The following TAFA1 variants were observed in gnomAD, a reference collection of about 807,000 sequenced individuals.
TAFA1 encodes chemokine-like protein TAFA-1.
TAFA1 carries 4 observed loss-of-function variants against 18.5 expected under a neutral mutation model. That is an observed-to-expected ratio of 0.22 (90% CI 0.11 to 0.49). The LOEUF (loss-of-function observed/expected upper bound fraction) is 0.49, where lower values mean the gene tolerates loss of function less well. Among genes scored for constraint, TAFA1 ranks in the 20% least tolerant of loss-of-function variants. The pLI, the probability that TAFA1 is intolerant of heterozygous loss-of-function variation, is 0.98. For missense variants in TAFA1, 147 were observed against 169.0 expected, an observed-to-expected ratio of 0.87 and a Z score of 0.72; for synonymous variants, 56 against 55.2, an observed-to-expected ratio of 1.01 and a Z score of -0.06.
intron 2 of TAFA1, among the ~76,000 whole-genome samples, chr3:68,366,464 AC>A (rs1246575479): frequency 1.3e-5 from 2 of 152,232 alleles, no homozygotes; most frequent in Non-Finnish European, 2.9e-5. Flanking sequence ...TTGTTTTCAA[AC>A]CATTACACAA....
At chr3:68,513,361 T>C (rs964091667) in intron 3 of TAFA1, among the ~76,000 whole-genome samples, 1 of 152,192 alleles carries the variant, frequency 6.6e-6, no homozygotes, top group Non-Finnish European at 1.5e-5. Context: ...TTCTGTATCA[T>C]TCAATATGGT....
intron 2 of TAFA1, among the ~76,000 whole-genome samples, chr3:68,066,677 A>G (rs1001371697): frequency 4.6e-5 from 7 of 152,214 alleles, no homozygotes; most frequent in African/African-American, 1.7e-4. Flanking sequence ...GGAGCTGACC[A>G]TGAAGACATA....
intron 2 of TAFA1, among the ~76,000 whole-genome samples, chr3:68,097,124 G>A (rs1309808177): frequency 1.3e-5 from 2 of 152,132 alleles, no homozygotes; most frequent in Middle Eastern, 6.8e-3. Context: ...TGCATTTTCC[G>A]ACCTTGTGTT....
chr3:68,074,428 C>G (rs1359019683), intron 2 of TAFA1, among the ~76,000 whole-genome samples: 1 of 152,162 alleles, frequency 6.6e-6, no homozygotes, highest in South Asian at 2.1e-4. Context: ...GTTCAAATTC[C>G]TGAGGTTGTA....
At chr3:68,262,326 T>G (rs1274559601) in intron 2 of TAFA1, among the ~76,000 whole-genome samples, 2 of 70,704 alleles carry the variant, frequency 2.8e-5, no homozygotes, top group Non-Finnish European at 5.5e-5. Context: ...TATATATATA[T>G]ATATATATAT....
chr3:68,300,128 A>G (rs968689022), intron 2 of TAFA1, among the ~76,000 whole-genome samples: 2 of 152,186 alleles, frequency 1.3e-5, no homozygotes, highest in African/African-American at 2.4e-5. Context: ...AGCTTACACC[A>G]TGCACCTGGG....
intron 3 of TAFA1, among the ~76,000 whole-genome samples, chr3:68,514,719 G>GAAAAAAAA (rs11388134): frequency 6.8e-6 from 1 of 147,388 alleles, no homozygotes; most frequent in Non-Finnish European, 1.5e-5. Context: ...ACCCAGCAAT[G>GAAAAAAAA]AAAAAAAAAA....
At chr3:68,030,818 A>G (rs1349765503) in intron 2 of TAFA1, among the ~76,000 whole-genome samples, 2 of 152,132 alleles carry the variant, frequency 1.3e-5, no homozygotes, top group East Asian at 1.9e-4. Context: ...TCTCTCATAC[A>G]GTATATTTTG....
At chr3:68,393,186 C>G (rs778256733) in intron 2 of TAFA1, among the ~76,000 whole-genome samples, 1 of 151,974 alleles carries the variant, frequency 6.6e-6, no homozygotes, top group Non-Finnish European at 1.5e-5. Context: ...CACCACCGAT[C>G]CCACAGAAAT....
At chr3:68,438,688 C>A (rs998787407) in intron 3 of TAFA1, among the ~76,000 whole-genome samples, 2 of 152,124 alleles carry the variant, frequency 1.3e-5, no homozygotes, top group African/African-American at 4.8e-5. Context: ...TCTGCCTTGC[C>A]CTCAGGTTGT....
At chr3:68,407,823 A>G (rs1336740837) in intron 2 of TAFA1, among the ~76,000 whole-genome samples, 2 of 152,080 alleles carry the variant, frequency 1.3e-5, no homozygotes, top group African/African-American at 4.8e-5. Flanking sequence ...TTTCCTTTAC[A>G]TACCCGAGGA....
At chr3:68,168,865 A>G (rs1030784486) in intron 2 of TAFA1, among the ~76,000 whole-genome samples, 6 of 152,188 alleles carry the variant, frequency 3.9e-5, no homozygotes, top group Non-Finnish European at 8.8e-5. Flanking sequence ...TGGAAGCTGG[A>G]TGCAATTTCT....
rs935786322 is a variant in TAFA1, at chr3:68,434,508, T to G, written c.259+17088T>G. The stretch of plus-strand genomic sequence containing the variant: ...TGAAGAGCTTTTGCCCCCTTCTTTG[T>G]GTTCATGTGCTGTGAATTTTTTTCT... On this transcript the variant is annotated intron_variant, in intron 3 of 4. Coordinates refer to ENST00000478136, the MANE Select transcript of TAFA1 (RefSeq NM_213609.4). Among the ~76,000 whole-genome samples the G allele has an allele frequency of 2.6e-5, 4 of 152,208 alleles. No individual in the cohort carries two copies. In the South Asian group the frequency reaches 6.2e-4, roughly 24 times the overall value.
chr3:68,050,542 T>C (rs2064456340), intron 2 of TAFA1, among the ~76,000 whole-genome samples: 1 of 152,162 alleles, frequency 6.6e-6, no homozygotes, highest in Non-Finnish European at 1.5e-5. Flanking sequence ...GATAGGAATG[T>C]GTACAAAAGT....
intron 2 of TAFA1, among the ~76,000 whole-genome samples, chr3:68,249,619 A>G (rs2067153968): frequency 6.6e-6 from 1 of 152,160 alleles, no homozygotes. Context: ...CCACCAATCT[A>G]CCAAATCTGG....
chr3:67,998,719 G>T, the TAFA1 span, among the ~76,000 whole-genome samples: 1 of 152,230 alleles, frequency 6.6e-6, no homozygotes, highest in Non-Finnish European at 1.5e-5. Flanking sequence ...ACCTGCCTTA[G>T]AATGAATAGA....
At chr3:68,297,698 T>A in intron 2 of TAFA1, among the ~76,000 whole-genome samples, 1 of 152,138 alleles carries the variant, frequency 6.6e-6, no homozygotes, top group Non-Finnish European at 1.5e-5. Flanking sequence ...TACAGCAAGA[T>A]CTTCCTCTCC....
At chr3:68,043,701 C>T (rs992875778) in intron 2 of TAFA1, among the ~76,000 whole-genome samples, 6 of 152,122 alleles carry the variant, frequency 3.9e-5, no homozygotes, top group Admixed American at 3.3e-4. Context: ...TTTCTTTCTT[C>T]CCAGGTCATT....
At chr3:68,214,516 C>A (rs1353635867) in intron 2 of TAFA1, among the ~76,000 whole-genome samples, 1 of 152,030 alleles carries the variant, frequency 6.6e-6, no homozygotes, top group Non-Finnish European at 1.5e-5. Context: ...GCATAGTGTT[C>A]GAGAGCTCAG....
Sources: gnomAD v4.1 joint callset for allele counts (sites outside exome capture counted in the v4.1 genomes callset) on GRCh38, gnomAD v4.1.1 for gene constraint, MANE v1.5 for transcripts, NCBI Gene and HGNC (gene_info 2026-07-23, HGNC 2026-07-21) for gene names.